Variants in TTYH3 observed in about 807,000 individuals in gnomAD.
TTYH3 encodes the protein tweety family member 3.
TTYH3 carries 23 observed loss-of-function variants against 68.2 expected under a neutral mutation model. The observed-to-expected ratio is 0.34, with a 90% CI of 0.24 to 0.48. The LOEUF (loss-of-function observed/expected upper bound fraction) is 0.48. Among genes scored for constraint, TTYH3 ranks in the 20% least tolerant of loss-of-function variants. The pLI, the probability that TTYH3 is intolerant of heterozygous loss-of-function variation, is 0.99. For missense variants in TTYH3, 768 were observed against 727.7 expected, an observed-to-expected ratio of 1.06 and a Z score of -0.64; for synonymous variants, 360 against 332.8, an observed-to-expected ratio of 1.08 and a Z score of -0.89.
At chr7:2,655,645 A>G (rs530188424) in intron 9 of TTYH3, among the ~76,000 whole-genome samples, 2 of 152,392 alleles carry the variant, frequency 1.3e-5, no homozygotes, top group South Asian at 4.1e-4. Flanking sequence ...CGGTGAGCAC[A>G]CGGACACATT....
At chr7:2,641,830 C>T (rs550616586) in intron 1 of TTYH3, among the ~76,000 whole-genome samples, 59 of 152,328 alleles carry the variant, frequency 3.9e-4, no homozygotes, top group African/African-American at 1.4e-3. Flanking sequence ...GGGCTCAGGC[C>T]TGGCGCGTTG....
chr7:2,643,522 G>T (rs533322846), intron 1 of TTYH3, among the ~76,000 whole-genome samples: 1 of 152,348 alleles, frequency 6.6e-6, no homozygotes, highest in African/African-American at 2.4e-5. Context: ...AAGGGCAAGG[G>T]TGCCTGGTGC....
In TTYH3 at chr7:2,640,410, G is replaced by A. The variant is rs1191447310; in HGVS notation, c.124-6443G>A. Among the ~76,000 whole-genome samples the A allele has an allele frequency of 2.0e-4, 31 of 152,012 alleles. 1 individual carries two copies. Among genetic ancestry groups the A allele is most frequent in the Admixed American group, 2.0e-3 (31 of 15,268 alleles). ...CAGCCGCCTGTGTGTGTGTGGGGGG[G>A]GACGTGTGTTCCATAGGCCGGCCGT... On this transcript the variant is annotated intron_variant, in intron 1 of 13. Transcript: ENST00000258796.
At chr7:2,653,094 C>A in intron 9 of TTYH3, 84 bp downstream of exon 9, 1 of 1,324,870 alleles carries the variant, frequency 7.5e-7, no homozygotes, top group South Asian at 1.3e-5. Flanking sequence ...AAACACAGCT[C>A]AGGGCAAATT....
chr7:2,638,948 C>G (rs569395889), intron 1 of TTYH3, among the ~76,000 whole-genome samples: 6 of 152,088 alleles, frequency 3.9e-5, no homozygotes, highest in Non-Finnish European at 8.8e-5. Context: ...TCGCACACGC[C>G]GAGCCCACCC....
chr7:2,656,768 T>G (rs1786347928), intron 11 of TTYH3, among the ~76,000 whole-genome samples: 1 of 152,190 alleles, frequency 6.6e-6, no homozygotes. Flanking sequence ...CGGCCTGGGT[T>G]GCAGGAGTCC....
chr7:2,632,200 G>A lies in TTYH3; in HGVS notation c.45G>A (p.Leu15=). 7 of 1,558,856 alleles carry A rather than the reference G, an allele frequency of 4.5e-6. No homozygotes were observed. The highest frequency in any genetic ancestry group is 2.4e-5 in the East Asian group (1 of 41,512). The stretch of plus-strand genomic sequence containing the variant: ...CGGCGCCCTGGTGGGTGAGCCTCCT[G>A]CACCGGCTGCCCCACTTCGACCTGA... ...SYAAPWWVSL[L]HRLPHFDLSW... is the part of the protein sequence containing the mutation. Residue 15 remains leucine, a synonymous_variant, in exon 1 of 14, where the codon CTG becomes CTA. Coordinates refer to ENST00000258796, the MANE Select transcript of TTYH3 (RefSeq NM_025250.3).
chr7:2,657,365 A>G (rs374901963), intron 11 of TTYH3, among the ~76,000 whole-genome samples: 1,936 of 150,120 alleles, frequency 0.013, 52 homozygotes, highest in African/African-American at 0.045. Context: ...GATGATGGTG[A>G]TGGTGGTGGT....
At position 2,645,564 on chromosome 7, in the gene TTYH3, C is replaced by G. The variant is rs945250717; in HGVS notation, c.124-1289C>G. On this transcript the variant is annotated intron_variant, in intron 1 of 13. Transcript: ENST00000258796. This position sits in a 1 kb window ranked among gnomAD's most constrained non-coding sequence, Gnocchi z 4.8. ...GTTCAGAGACCTGGGGAGAGCCACA[C>G]TGGAAGGCCGTGCTTGGAGCCAGAC... 3.0e-6 allele frequency: 1 copy of G among 330,586 alleles called. No individual in the cohort carries two copies. The highest frequency in any genetic ancestry group is 2.3e-5 in the South Asian group (1 of 42,584). 20.5% of individuals were successfully genotyped at this position (330,586 alleles called of 1,614,324 possible).
intron 1 of TTYH3, among the ~76,000 whole-genome samples, chr7:2,640,460 G>T (rs929428946): frequency 1.3e-5 from 2 of 152,164 alleles, no homozygotes; most frequent in African/African-American, 2.4e-5. Flanking sequence ...CCTCCCGAGT[G>T]GCATGCTTCC....
chr7:2,653,478 G>T (rs1290616018), intron 9 of TTYH3, among the ~76,000 whole-genome samples: 1 of 152,242 alleles, frequency 6.6e-6, no homozygotes, highest in African/African-American at 2.4e-5. Flanking sequence ...CTGGGTGAGT[G>T]CCCTGGGGGC....
At chr7:2,660,399 C>T (rs576035028) in intron 13 of TTYH3, 3 of 985,412 alleles carry the variant, frequency 3.0e-6, no homozygotes, top group African/African-American at 3.5e-5. Context: ...ATGTGGCCAG[C>T]AGGCCCTGCC....
rs747520688 is a variant in TTYH3 at position 2,649,971 on chromosome 7, A to G, written c.854A>G (p.Tyr285Cys). ...DAYVTKMVEE[Y>C]SVLSGDILQY... ...TACGTGACCAAAATGGTGGAGGAGTACTCGGTGCTGAGTGGGGGTGAGTCT... is the reference window on the plus strand; with the variant it reads ...TACGTGACCAAAATGGTGGAGGAGTGCTCGGTGCTGAGTGGGGGTGAGTCT... The change falls in exon 7 of 14, where the codon TAC (tyrosine) becomes TGC (cysteine). Residue 285 changes from tyrosine (Y) to cysteine (C), a missense_variant. Tyr to Cys is a radical substitution (Grantham distance 194). Coordinates refer to ENST00000258796, the MANE Select transcript of TTYH3 (RefSeq NM_025250.3). The G allele has an allele frequency of 6.2e-7, 1 of 1,613,892 alleles. No homozygotes were observed. Among genetic ancestry groups the G allele is most frequent in the Non-Finnish European group, 8.5e-7 (1 of 1,179,946 alleles).
At chr7:2,633,251 G>T (rs771797897) in intron 1 of TTYH3, among the ~76,000 whole-genome samples, 4 of 152,158 alleles carry the variant, frequency 2.6e-5, no homozygotes, top group Admixed American at 6.5e-5. Flanking sequence ...AGAGCCCCAT[G>T]GTGGGGTGGG....
chr7:2,640,695 C>T (rs1785816702), intron 1 of TTYH3, among the ~76,000 whole-genome samples: 1 of 152,242 alleles, frequency 6.6e-6, no homozygotes, highest in African/African-American at 2.4e-5. Context: ...CACGTCCAGA[C>T]AGGGCCTGGA....
At chr7:2,656,316 G>C in intron 10 of TTYH3, 82 bp from the exon 11 acceptor site, 1 of 1,571,394 alleles carries the variant, frequency 6.4e-7, no homozygotes, top group Non-Finnish European at 8.7e-7. Flanking sequence ...GGTCCAGGCC[G>C]CCGTGGCTGG....
At position 2,661,830 on chromosome 7, in the gene TTYH3, G is replaced by A. The variant is rs1057047315; in HGVS notation, c.*91G>A. ...CACCTGGGCCACCCACCGGACCCTC[G>A]CACGCCGTGCCAGGCCTGCCCCAGA... is the stretch of plus-strand genomic sequence containing the variant. On this transcript the variant is annotated 3_prime_UTR_variant, in exon 14 of 14. Coordinates refer to ENST00000258796, the MANE Select transcript of TTYH3 (RefSeq NM_025250.3). 9 of 1,392,574 alleles carry A rather than the reference G, an allele frequency of 6.5e-6. No individual in the cohort carries two copies. Among genetic ancestry groups the A allele is most frequent in the African/African-American group, 2.9e-5 (2 of 69,906 alleles). 86.3% of individuals were successfully genotyped at this position (1,392,574 alleles called of 1,614,324 possible).
At chr7:2,635,780 G>A (rs1405337796) in intron 1 of TTYH3, among the ~76,000 whole-genome samples, 1 of 152,236 alleles carries the variant, frequency 6.6e-6, no homozygotes, top group East Asian at 1.9e-4. Flanking sequence ...CTAGCATGGG[G>A]GACGTGTTTT....
rs141627044 is a variant in TTYH3 at position 2,650,758 on chromosome 7, A to G, written c.871+770A>G. On this transcript the variant is annotated intron_variant, in intron 7 of 13. Coordinates refer to ENST00000258796, the MANE Select transcript of TTYH3 (RefSeq NM_025250.3). ...GGGAGGCAGGGGAGAGATTTGACCC[A>G]TGATTGAAGGTCCCTTTCAAAGCTT... Among the ~76,000 whole-genome samples, 268 of 151,984 alleles carry G rather than the reference A, an allele frequency of 1.8e-3. 1 individual carries two copies. The highest frequency in any genetic ancestry group is 5.9e-3 in the African/African-American group (245 of 41,466).
Sources: gnomAD v4.1 joint callset for allele counts (sites outside exome capture counted in the v4.1 genomes callset) on GRCh38, gnomAD v4.1.1 for gene constraint, Gnocchi (gnomAD v3.1) non-coding constraint, MANE v1.5 for transcripts, NCBI Gene and HGNC (gene_info 2026-07-23, HGNC 2026-07-21) for gene names.